Variants in PAPSS1 observed in about 807,000 individuals in gnomAD.
PAPSS1 encodes bifunctional 3'-phosphoadenosine 5'-phosphosulfate synthase 1.
A neutral mutation model predicts 72.0 loss-of-function variants in PAPSS1; 50 were observed. The observed-to-expected ratio is 0.69, with a 90% CI of 0.55 to 0.88. The LOEUF is 0.88. Among genes scored for constraint, PAPSS1 ranks in the 40% least tolerant of loss-of-function variants. The probability of loss-of-function intolerance (pLI) is 0.00; values close to 1 mark genes in which losing one functional copy is unlikely to be tolerated. For synonymous variants in PAPSS1, 261 were observed against 263.6 expected (o/e 0.99, Z 0.09); for missense variants, 657 against 782.2 (o/e 0.84, Z 1.91).
At chr4:107,710,107 C>T (rs1723448088) in intron 1 of PAPSS1, among the ~76,000 whole-genome samples, 1 of 152,160 alleles carries the variant, frequency 6.6e-6, no homozygotes. Flanking sequence ...TATAATTCTG[C>T]TGAGGAAACA....
chr4:107,643,186 T>C (rs1042975965), intron 10 of PAPSS1, among the ~76,000 whole-genome samples: 4 of 152,178 alleles, frequency 2.6e-5, no homozygotes, highest in African/African-American at 4.8e-5. Flanking sequence ...CGGTATGATC[T>C]GAATTACAGA....
intron 4 of PAPSS1, among the ~76,000 whole-genome samples, chr4:107,684,900 T>C (rs1021880651): frequency 1.4e-4 from 22 of 151,924 alleles, no homozygotes; most frequent in African/African-American, 1.2e-4. Flanking sequence ...TCAGAGTAAA[T>C]CTCTTCAAAA....
intron 3 of PAPSS1, among the ~76,000 whole-genome samples, chr4:107,688,578 T>A (rs921414613): frequency 1.3e-5 from 2 of 152,166 alleles, no homozygotes; most frequent in African/African-American, 4.8e-5. Flanking sequence ...TGCCTATGGA[T>A]GCCTATAATG....
rs1237299605 is a variant in PAPSS1 at position 107,687,117 on chromosome 4, C to T, written c.472G>A (p.Val158Ile). Residue 158 changes from valine (V) to isoleucine (I), a missense_variant, in exon 4 of 12, where the codon GTT (valine) becomes ATT (isoleucine). This residue lies in a region of PAPSS1 where 119 missense variants were observed against 171.1 expected (regional missense o/e 0.70). Transcript: ENST00000265174. ...TCACAAACATGCAGAGGAGCATCAA[C>T]AAATACTTCAAAAAACGGTAAACTT... The part of the protein sequence containing the change: ...GASLPFFEVF[V>I]DAPLHVCEQR... 2 of 1,600,404 alleles carry T rather than the reference C, an allele frequency of 1.2e-6. No homozygotes were observed. The highest frequency in any genetic ancestry group is 2.3e-5 in the East Asian group (1 of 44,160).
At chr4:107,651,800 T>A (rs1726846780) in intron 9 of PAPSS1, among the ~76,000 whole-genome samples, 1 of 152,166 alleles carries the variant, frequency 6.6e-6, no homozygotes, top group Admixed American at 6.5e-5. Flanking sequence ...TATCAACAAC[T>A]TAATCTCTTA....
intron 10 of PAPSS1, among the ~76,000 whole-genome samples, chr4:107,635,634 G>A (rs1257678572): frequency 6.6e-6 from 1 of 151,742 alleles, no homozygotes; most frequent in African/African-American, 2.4e-5. Context: ...AAACAAAAAG[G>A]AGAAAAAATA....
chr4:107,659,931 T>C, intron 6 of PAPSS1, 28 bp downstream of exon 6: 1 of 1,221,306 alleles, frequency 8.2e-7, no homozygotes, highest in Non-Finnish European at 1.2e-6. Context: ...GCTGTATCAC[T>C]TAGTGTGAAA....
At chr4:107,645,241 A>C (rs1233611839) in intron 9 of PAPSS1, among the ~76,000 whole-genome samples, 171 bp from the exon 10 acceptor site, 3 of 151,296 alleles carry the variant, frequency 2.0e-5, no homozygotes, top group Admixed American at 1.3e-4. Flanking sequence ...TTGACCATTT[A>C]GGATAACATG....
intron 9 of PAPSS1, among the ~76,000 whole-genome samples, chr4:107,651,180 G>A (rs1410073700): frequency 1.3e-5 from 2 of 152,086 alleles, no homozygotes; most frequent in Admixed American, 6.6e-5. Context: ...AAGGAGAAAA[G>A]GGATCCCACA....
At chr4:107,622,980 C>T (rs1726007301) in intron 11 of PAPSS1, among the ~76,000 whole-genome samples, 1 of 152,198 alleles carries the variant, frequency 6.6e-6, no homozygotes, top group Non-Finnish European at 1.5e-5. Flanking sequence ...TTTAATATAA[C>T]AATTATACTA....
intron 5 of PAPSS1, among the ~76,000 whole-genome samples, chr4:107,664,380 C>T (rs1351419999): frequency 6.6e-6 from 1 of 152,152 alleles, no homozygotes; most frequent in Admixed American, 6.5e-5. Flanking sequence ...CTGATTTTTA[C>T]TGGCTACAAC....
intron 9 of PAPSS1, among the ~76,000 whole-genome samples, chr4:107,652,381 C>A (rs560343616): frequency 6.6e-6 from 1 of 152,036 alleles, no homozygotes; most frequent in East Asian, 1.9e-4. Context: ...TATGGGTGCA[C>A]CAAGGTAAGC....
chr4:107,701,791 G>C (rs1237901916), intron 1 of PAPSS1, among the ~76,000 whole-genome samples: 2 of 152,014 alleles, frequency 1.3e-5, no homozygotes, highest in Non-Finnish European at 2.9e-5. Context: ...AAATAACATA[G>C]GGTAAAAAAG....
chr4:107,656,594 T>C (rs1346520561), intron 7 of PAPSS1, among the ~76,000 whole-genome samples: 1 of 152,190 alleles, frequency 6.6e-6, no homozygotes, highest in East Asian at 1.9e-4. Context: ...GGGAAGCAGC[T>C]TTCCACAGTG....
intron 5 of PAPSS1, among the ~76,000 whole-genome samples, chr4:107,668,553 C>T (rs12642425): frequency 0.37 from 56,649 of 151,896 alleles, 11,174 homozygotes; most frequent in South Asian, 0.55. Flanking sequence ...ATCTAATCAA[C>T]TACAAGCATC....
intron 11 of PAPSS1, among the ~76,000 whole-genome samples, chr4:107,625,444 G>A (rs1019134597): frequency 3.3e-5 from 5 of 152,062 alleles, no homozygotes; most frequent in Non-Finnish European, 1.5e-5. Context: ...AGATGAAGCA[G>A]CCCACAAAAA....
In PAPSS1 at chr4:107,644,925, G is replaced by A. The variant is rs997548414; in HGVS notation, c.1383C>T (p.Asp461=). 4 of 1,613,860 alleles carry A rather than the reference G, an allele frequency of 2.5e-6. No homozygotes were observed. The African/African-American group carries it at 4.0e-5, about 16-fold the overall frequency. The stretch of plus-strand genomic sequence containing the variant: ...TCATACGCCACATCAAAGGAACATC[G>A]TCATCCTTTGTCCAGCCACCCAGAG... ...LHPLGGWTKD[D]DVPLMWRMKQ... is the part of the protein sequence containing the mutation. Residue 461 remains aspartate (D), a synonymous_variant, in exon 10 of 12, where the codon GAC becomes GAT. Transcript: ENST00000265174.
intron 4 of PAPSS1, among the ~76,000 whole-genome samples, chr4:107,686,063 T>G (rs1722776951): frequency 6.6e-6 from 1 of 152,232 alleles, no homozygotes; most frequent in Non-Finnish European, 1.5e-5. Context: ...ACAGGACAAG[T>G]CAAGGGATGT....
intron 10 of PAPSS1, among the ~76,000 whole-genome samples, chr4:107,634,797 ATTTTTT>A (rs3083966): frequency 8.6e-6 from 1 of 116,010 alleles, no homozygotes. Flanking sequence ...TATTCTAGAC[ATTTTTT>A]TTTTTTTTTT....
Sources: gnomAD v4.1 joint callset for allele counts (sites outside exome capture counted in the v4.1 genomes callset) on GRCh38, gnomAD v4.1.1 for gene constraint, gnomAD v4.1.1 regional missense constraint, MANE v1.5 for transcripts, NCBI Gene and HGNC (gene_info 2026-07-23, HGNC 2026-07-21) for gene names.